The following DHRSX variants were observed in gnomAD, a reference collection of about 807,000 sequenced individuals.
DHRSX encodes the protein polyprenol dehydrogenase.
Under a neutral mutation model 34.0 loss-of-function variants are expected in DHRSX, and 31 were observed. The observed-to-expected ratio is 0.91, with a 90% confidence interval of 0.69 to 1.23. The LOEUF is 1.23. DHRSX is among the 50% of genes most tolerant of loss of function. The probability of loss-of-function intolerance (pLI) is 0.00; values close to 1 mark genes in which losing one functional copy is unlikely to be tolerated. For missense variants in DHRSX, 414 were observed against 428.1 expected, an observed-to-expected ratio of 0.97 and a Z score of 0.29; for synonymous variants, 201 against 183.8, an observed-to-expected ratio of 1.09 and a Z score of -0.76.
chrX:2,461,009 T>A (rs2044395199), intron 1 of DHRSX, among the ~76,000 whole-genome samples: 1 of 152,124 alleles, frequency 6.6e-6, no homozygotes, highest in Admixed American at 6.6e-5. Context: ...GTGTGAGCCA[T>A]TGTGCCCGGC....
intron 1 of DHRSX, chrX:2,488,745 G>A: frequency 6.2e-7 from 1 of 1,613,894 alleles, no homozygotes; most frequent in Non-Finnish European, 8.5e-7. Flanking sequence ...TGGTCCTCGG[G>A]TTCCGCCTCT....
chrX:2,232,162 C>T (rs1225303600), intron 6 of DHRSX, among the ~76,000 whole-genome samples: 1 of 151,418 alleles, frequency 6.6e-6, no homozygotes, highest in Non-Finnish European at 1.5e-5. Flanking sequence ...CTCTCTCTGC[C>T]CCCTCTATTA....
chrX:2,481,574 G>C (rs749805644), intron 1 of DHRSX, among the ~76,000 whole-genome samples: 14 of 152,080 alleles, frequency 9.2e-5, no homozygotes, highest in African/African-American at 3.1e-4. Context: ...GCTGAGACAG[G>C]AGAATGGCTT....
intron 2 of DHRSX, among the ~76,000 whole-genome samples, chrX:2,420,276 C>T (rs1418427682): frequency 6.6e-6 from 1 of 151,912 alleles, no homozygotes; most frequent in Non-Finnish European, 1.5e-5. Context: ...GGTGTGCTGG[C>T]ACGCGCCTGT....
chrX:2,225,247 TCA>T (rs1182352260), intron 6 of DHRSX, among the ~76,000 whole-genome samples: 8 of 148,122 alleles, frequency 5.4e-5, no homozygotes, highest in East Asian at 2.0e-4. Flanking sequence ...TCACACATGC[TCA>T]CACTCATTCA....
chrX:2,256,060 T>C (rs1000128663), intron 5 of DHRSX, among the ~76,000 whole-genome samples: 4 of 149,842 alleles, frequency 2.7e-5, no homozygotes, highest in Admixed American at 6.7e-5. Flanking sequence ...AGTGGTGCGA[T>C]CTTGGCTCAT....
At chrX:2,229,691 G>A (rs1206370561) in intron 6 of DHRSX, among the ~76,000 whole-genome samples, 1 of 152,140 alleles carries the variant, frequency 6.6e-6, no homozygotes, top group Non-Finnish European at 1.5e-5. Flanking sequence ...GCACGTGCAT[G>A]AATGCACACG....
chrX:2,394,771 C>A (rs188615125), intron 3 of DHRSX, among the ~76,000 whole-genome samples: 1 of 151,478 alleles, frequency 6.6e-6, no homozygotes, highest in African/African-American at 2.4e-5. Flanking sequence ...TAGGCTGAGG[C>A]GGGAGAATGG....
At chrX:2,362,604 T>G (rs2042946543) in intron 3 of DHRSX, among the ~76,000 whole-genome samples, 1 of 152,168 alleles carries the variant, frequency 6.6e-6, no homozygotes, top group Admixed American at 6.6e-5. Flanking sequence ...TGGCCAGGTC[T>G]GCCTTATAAG....
At chrX:2,472,957 G>A (rs2044616177) in intron 1 of DHRSX, among the ~76,000 whole-genome samples, 1 of 152,022 alleles carries the variant, frequency 6.6e-6, no homozygotes, top group Non-Finnish European at 1.5e-5. Flanking sequence ...TGCCTGCTCT[G>A]TGCTTCCAGA....
chrX:2,394,217 G>A (rs1200638031), intron 3 of DHRSX, among the ~76,000 whole-genome samples: 2 of 152,184 alleles, frequency 1.3e-5, no homozygotes, highest in East Asian at 3.9e-4. Context: ...GACAAGAATG[G>A]GAGTGCAGAC....
intron 3 of DHRSX, among the ~76,000 whole-genome samples, chrX:2,399,731 A>G (rs2124630071): frequency 7.3e-6 from 1 of 137,302 alleles, no homozygotes; most frequent in East Asian, 2.2e-4. Context: ...AAAGCAAAAA[A>G]AAAAAAAAAA....
intron 3 of DHRSX, among the ~76,000 whole-genome samples, chrX:2,294,748 CAAAG>C (rs754238364): frequency 2.0e-3 from 261 of 133,540 alleles, no homozygotes; most frequent in Non-Finnish European, 2.2e-3. Flanking sequence ...GAAAAGAAGA[CAAAG>C]AGAGAGACAG....
At chrX:2,470,925 A>C (rs1183941184) in intron 1 of DHRSX, among the ~76,000 whole-genome samples, 1 of 111,788 alleles carries the variant, frequency 8.9e-6, no homozygotes, top group African/African-American at 2.6e-5. Flanking sequence ...TTGATTGTTA[A>C]TATGTTAATT....
At chrX:2,451,234 A>T (rs1291625762) in intron 1 of DHRSX, among the ~76,000 whole-genome samples, 2 of 55,140 alleles carry the variant, frequency 3.6e-5, no homozygotes, top group East Asian at 4.4e-4. Context: ...CTCCATCTTT[A>T]AAAAAAAAAA....
At position 2,235,739 on chromosome X, in the gene DHRSX, G is replaced by A. The variant is rs867338313; in HGVS notation, c.804+7284C>T. Among the ~76,000 whole-genome samples, 478 of 130,756 alleles carry A rather than the reference G, an allele frequency of 3.7e-3. 4 individuals are homozygous for A. Among genetic ancestry groups the A allele is most frequent in the African/African-American group, 0.013 (460 of 34,380 alleles). 85.8% of individuals were successfully genotyped at this position (130,756 alleles called of 152,430 possible). On this transcript the variant is annotated intron_variant, in intron 6 of 6. Transcript: ENST00000334651. ...GCCTGGGCAACAGAGCATCTCAGGG[G>A]AAAAAAAAAAAAAAAAGGGAACAAA... is the stretch of plus-strand genomic sequence containing the variant.
chrX:2,498,476 CGAT>C (rs2045333974), intron 1 of DHRSX, among the ~76,000 whole-genome samples: 1 of 152,098 alleles, frequency 6.6e-6, no homozygotes, highest in African/African-American at 2.4e-5. Context: ...GGAAGGGGCT[CGAT>C]GAGGGCAAGC....
At chrX:2,356,766 G>A (rs1446776726) in intron 3 of DHRSX, among the ~76,000 whole-genome samples, 1 of 152,144 alleles carries the variant, frequency 6.6e-6, no homozygotes, top group African/African-American at 2.4e-5. Context: ...AATAGTAAAT[G>A]TAGTTTCTCT....
intron 2 of DHRSX, among the ~76,000 whole-genome samples, chrX:2,423,169 T>G (rs1473195695): frequency 6.6e-6 from 1 of 151,044 alleles, no homozygotes; most frequent in African/African-American, 2.4e-5. Flanking sequence ...TCCCAGCGCT[T>G]TGGGAGGCGG....
Sources: allele counts gnomAD v4.1 joint callset (sites outside exome capture counted in the v4.1 genomes callset), GRCh38; gene constraint gnomAD v4.1.1; transcripts MANE v1.5; gene names NCBI Gene and HGNC (gene_info 2026-07-23, HGNC 2026-07-21).